Variants in PYGO1 observed in about 807,000 individuals in gnomAD.
PYGO1 encodes pygopus family PHD finger 1, also known as pygopus homolog 1.
PYGO1 carries 6 observed loss-of-function variants against 29.5 expected under a neutral mutation model. The ratio of observed to expected loss-of-function variants is 0.20; its 90% CI spans 0.11 to 0.40. The LOEUF is 0.40. Ranked by LOEUF, PYGO1 falls within the 10% of genes least tolerant of loss-of-function variation. The probability of loss-of-function intolerance (pLI) is 1.00; values close to 1 mark genes in which losing one functional copy is unlikely to be tolerated. For missense variants in PYGO1, 515 were observed against 514.9 expected (o/e 1.00, Z 0.00); for synonymous variants, 186 against 180.5 (o/e 1.03, Z -0.24).
Position 55,546,173 on chromosome 15 carries a change from G to A in PYGO1, c.1110C>T (p.Ile370=). The A allele has an allele frequency of 6.2e-7, 1 of 1,614,184 alleles. No homozygotes were observed. The highest frequency in any genetic ancestry group is 8.5e-7 in the Non-Finnish European group (1 of 1,180,024). ...AAGCTGTTTCAGTCATTCCAGTACA[G>A]ATCCGATGAAACCATTTCTGACAAG... ...EASCQKWFHR[I]CTGMTETAYG... The change falls in exon 3 of 3, where the codon ATC becomes ATT. Residue 370 remains isoleucine, a synonymous_variant. Coordinates refer to ENST00000563719, the MANE Select transcript of PYGO1 (RefSeq NM_001367806.1).
intron 1 of PYGO1, among the ~76,000 whole-genome samples, chr15:55,580,592 G>A (rs1377843751): frequency 6.6e-6 from 1 of 152,122 alleles, no homozygotes; most frequent in South Asian, 2.1e-4. Context: ...TTGCAGCTGA[G>A]GAAACTGATG....
chr15:55,544,438 A>G lies in PYGO1; in HGVS notation c.*1585T>C, dbSNP rs1441692150. ...ATGGAATAAAGGTCCAGTGACTAAA[A>G]TGGACATGACAAAATTTCATAGCCC... On this transcript the variant is annotated 3_prime_UTR_variant, in exon 3 of 3. Coordinates refer to ENST00000563719, the MANE Select transcript of PYGO1 (RefSeq NM_001367806.1). 1 of 152,226 alleles carries G rather than the reference A, an allele frequency of 6.6e-6. No homozygotes were observed. The highest frequency in any genetic ancestry group is 1.5e-5 in the Non-Finnish European group (1 of 68,038). 9.4% of individuals were successfully genotyped at this position (152,226 alleles called of 1,614,324 possible).
chr15:55,579,296 G>A (rs913955558), intron 1 of PYGO1, among the ~76,000 whole-genome samples: 1 of 151,952 alleles, frequency 6.6e-6, no homozygotes, highest in Non-Finnish European at 1.5e-5. Context: ...AGTCTGATAT[G>A]GAAAAAGAAT....
rs984459261 is a variant in PYGO1, at chr15:55,540,980, GACAA to G, written c.*5039_*5042del. On this transcript the variant is annotated 3_prime_UTR_variant, in exon 3 of 3. Transcript: ENST00000563719. ...TTTCTTTTATAAAAGATAATATTTTGACAAACAAGCAACATCATCTACACATCTA... is the reference window on the plus strand; with the variant it reads ...TTTCTTTTATAAAAGATAATATTTTGACAAGCAACATCATCTACACATCTA... 2 of 151,736 alleles carry G rather than the reference GACAA, an allele frequency of 1.3e-5. No individual in the cohort carries two copies. The highest frequency in any genetic ancestry group is 2.1e-4 in the South Asian group (1 of 4,802). The allele number at this position is 151,736 out of a possible 1,614,324, so 9.4% of individuals were successfully genotyped here. A position where few individuals can be genotyped will look rare whatever the true frequency, so the allele number is the denominator to read the frequency against.
At chr15:55,576,769 G>A (rs1965142) in intron 1 of PYGO1, among the ~76,000 whole-genome samples, 48,440 of 88,194 alleles carry the variant, frequency 0.55, 12,201 homozygotes, top group Non-Finnish European at 0.66. Context: ...TCAAAAAAAA[G>A]AAGTGGGGGA....
rs77212634 is a variant in PYGO1 at position 55,582,898 on chromosome 15, C to T, written c.49+4937G>A. Among the ~76,000 whole-genome samples, 722 of 152,192 alleles carry T rather than the reference C, an allele frequency of 4.7e-3. 19 individuals carry two copies. In the East Asian group the frequency reaches 0.07, roughly 15 times the overall value. ...TTATGCTCCTTCTCCAATCTTAATC[C>T]AAATCCTCTATATTCATCCCATCGA... On this transcript the variant is annotated intron_variant, in intron 1 of 2. Transcript: ENST00000563719.
chr15:55,577,660 C>A (rs2059008886), intron 1 of PYGO1, among the ~76,000 whole-genome samples: 1 of 151,812 alleles, frequency 6.6e-6, no homozygotes, highest in Admixed American at 6.6e-5. Flanking sequence ...GTTATATAAC[C>A]ATCATTACCA....
intron 1 of PYGO1, among the ~76,000 whole-genome samples, chr15:55,552,900 C>T (rs964573439): frequency 4.6e-5 from 7 of 152,202 alleles, no homozygotes; most frequent in South Asian, 2.1e-4. Flanking sequence ...CATTGTTCTG[C>T]GGGCCCCACT....
chr15:55,543,071 TGG>T lies in PYGO1; in HGVS notation c.*2950_*2951del, dbSNP rs35977807. The T allele has an allele frequency of 0.013, 1,894 of 147,882 alleles. 33 individuals are homozygous for T. The highest frequency in any genetic ancestry group is 0.063 in the South Asian group (296 of 4,732). The allele number at this position is 147,882 out of a possible 1,614,324, so 9.2% of individuals were successfully genotyped here. On this transcript the variant is annotated 3_prime_UTR_variant, in exon 3 of 3. Coordinates refer to ENST00000563719, the MANE Select transcript of PYGO1 (RefSeq NM_001367806.1). ...AAACTCAAGGATGTTGGAGAAACTG[TGG>T]GGGGTGTGTGTGTGTGTGTGTGTGT...
chr15:55,581,486 T>C (rs1327708237), intron 1 of PYGO1, among the ~76,000 whole-genome samples: 2 of 152,196 alleles, frequency 1.3e-5, no homozygotes, highest in East Asian at 3.9e-4. Flanking sequence ...TGAATAATTT[T>C]ACAAAAGAGA....
intron 1 of PYGO1, among the ~76,000 whole-genome samples, chr15:55,578,163 TGTATCA>T (rs2059011631): frequency 6.6e-6 from 1 of 152,230 alleles, no homozygotes; most frequent in Non-Finnish European, 1.5e-5. Context: ...TGTTGTAGTA[TGTATCA>T]GTATTTCACT....
Position 55,545,743 on chromosome 15 carries a change from ATAT to A in PYGO1, c.*277_*279del, listed in dbSNP as rs1236488454. On this transcript the variant is annotated 3_prime_UTR_variant, in exon 3 of 3. Coordinates refer to ENST00000563719, the MANE Select transcript of PYGO1 (RefSeq NM_001367806.1). ...GTTAAAACTTGCCTACATTTGTTAT[ATAT>A]TATTTTGAAGTTTCAAGAGGCTTTT... 7.5e-6 allele frequency: 2 copies of A among 267,208 alleles called. No individual in the cohort carries two copies. Among genetic ancestry groups the A allele is most frequent in the African/African-American group, 4.4e-5 (2 of 45,550 alleles). The allele number at this position is 267,208 out of a possible 1,614,324, so 16.6% of individuals were successfully genotyped here. A position where few individuals can be genotyped will look rare whatever the true frequency, so the allele number is the denominator to read the frequency against.
At chr15:55,563,827 A>G (rs1340943738) in intron 1 of PYGO1, among the ~76,000 whole-genome samples, 1 of 152,234 alleles carries the variant, frequency 6.6e-6, no homozygotes, top group Non-Finnish European at 1.5e-5. Context: ...GCTCAGCACC[A>G]GTAGTCGTTA....
At chr15:55,588,971 T>A, upstream of PYGO1, 17 of 801,014 alleles carry the variant, frequency 2.1e-5, no homozygotes, top group South Asian at 6.7e-5. Context: ...CGACGTAGAA[T>A]AAATACCAGA....
intron 1 of PYGO1, among the ~76,000 whole-genome samples, chr15:55,565,089 C>T (rs1285697508): frequency 6.6e-6 from 1 of 152,166 alleles, no homozygotes; most frequent in Non-Finnish European, 1.5e-5. Context: ...AGCCTTTGCT[C>T]TTAGAAGGTT....
intron 1 of PYGO1, among the ~76,000 whole-genome samples, chr15:55,573,008 TAAA>T (rs35553781): frequency 8.0e-5 from 11 of 137,620 alleles, no homozygotes; most frequent in Non-Finnish European, 1.4e-4. Context: ...ACTCTGTCTT[TAAA>T]AAAAAAAAAA....
At chr15:55,554,404 G>A (rs1595983606) in intron 1 of PYGO1, among the ~76,000 whole-genome samples, 1 of 148,472 alleles carries the variant, frequency 6.7e-6, no homozygotes, top group Non-Finnish European at 1.5e-5. Context: ...GGGAGGTGGA[G>A]CTTGCAGTGA....
intron 1 of PYGO1, among the ~76,000 whole-genome samples, chr15:55,573,844 T>C (rs1464717353): frequency 2.6e-5 from 4 of 152,176 alleles, no homozygotes; most frequent in Admixed American, 2.6e-4. Context: ...TACAATAAAG[T>C]AGGCTAGAGA....
In PYGO1 at chr15:55,587,859, G is replaced by A. The variant is rs1361281590; in HGVS notation, c.25C>T (p.Pro9Ser). ...CCTCGAACTCTCTTCAGCGAAATGG[G>A]ATCCTTCTCCTGTTCTGCTGACATT... MSAEQEKD[P>S]ISLKRVRGGD... The change falls in exon 1 of 3, where the codon CCC becomes TCC. Residue 9 changes from proline (P) to serine (S), a missense_variant. Coordinates refer to ENST00000563719, the MANE Select transcript of PYGO1 (RefSeq NM_001367806.1). The A allele has an allele frequency of 2.0e-6, 3 of 1,495,126 alleles. No homozygotes were observed. The highest frequency in any genetic ancestry group is 5.5e-5 in the East Asian group (2 of 36,400). 92.6% of individuals were successfully genotyped at this position (1,495,126 alleles called of 1,614,324 possible).
Sources: gnomAD v4.1 joint callset for allele counts (sites outside exome capture counted in the v4.1 genomes callset) on GRCh38, gnomAD v4.1.1 for gene constraint, MANE v1.5 for transcripts, NCBI Gene and HGNC (gene_info 2026-07-23, HGNC 2026-07-21) for gene names.